The following ERC2 variants were observed in gnomAD, a reference collection of about 807,000 sequenced individuals.
ERC2 encodes the protein ELKS/RAB6-interacting/CAST family member 2.
Under a neutral mutation model 114.8 loss-of-function variants are expected in ERC2, and 42 were observed. The ratio of observed to expected loss-of-function variants is 0.37; its 90% CI spans 0.29 to 0.47. The LOEUF is 0.47. ERC2 is among the 20% of genes least tolerant of loss of function. The pLI, the probability that ERC2 is intolerant of heterozygous loss-of-function variation, is 0.99. For missense variants in ERC2, 939 were observed against 1,150.7 expected, an observed-to-expected ratio of 0.82 and a Z score of 2.66; for synonymous variants, 454 against 425.5, an observed-to-expected ratio of 1.07 and a Z score of -0.82.
intron 17 of ERC2, among the ~76,000 whole-genome samples, chr3:55,625,735 A>G (rs1008778774): frequency 2.0e-5 from 3 of 152,196 alleles, no homozygotes; most frequent in Admixed American, 6.5e-5. Context: ...TGGGCGACAG[A>G]GCGAGACTCC....
chr3:55,914,425 G>A (rs2064983569), intron 13 of ERC2, among the ~76,000 whole-genome samples: 1 of 152,130 alleles, frequency 6.6e-6, no homozygotes, highest in African/African-American at 2.4e-5. Context: ...CACAGGCCAC[G>A]AATCTGCTTA....
chr3:56,088,471 GA>G (rs1399967022), intron 6 of ERC2, among the ~76,000 whole-genome samples: 1 of 152,066 alleles, frequency 6.6e-6, no homozygotes, highest in Non-Finnish European at 1.5e-5. Flanking sequence ...AAAGAAGGGG[GA>G]AAAAATGACA....
At chr3:56,349,672 C>T (rs772810603) in intron 2 of ERC2, among the ~76,000 whole-genome samples, 4 of 152,076 alleles carry the variant, frequency 2.6e-5, no homozygotes, top group South Asian at 2.1e-4. Flanking sequence ...TTTGGGAGGC[C>T]GAGACAGGCA....
intron 6 of ERC2, among the ~76,000 whole-genome samples, chr3:56,094,808 A>C (rs1195072083): frequency 5.3e-5 from 8 of 152,250 alleles, no homozygotes; most frequent in Admixed American, 5.2e-4. Flanking sequence ...AGTTAGATTC[A>C]GTAGGGGAAA....
chr3:55,659,216 A>G (rs768251232), intron 17 of ERC2: 18 of 152,216 alleles, frequency 1.2e-4, no homozygotes, highest in Non-Finnish European at 2.1e-4. Flanking sequence ...TGTCTTATGC[A>G]GCAGAAGGAA....
At chr3:55,797,793 C>T (rs371863441) in intron 14 of ERC2, among the ~76,000 whole-genome samples, 2 of 152,040 alleles carry the variant, frequency 1.3e-5, no homozygotes, top group African/African-American at 4.8e-5. Flanking sequence ...ATTTTAGGTG[C>T]TCTTTCTACA....
intron 15 of ERC2, 21 bp downstream of exon 15, chr3:55,734,750 C>G: frequency 6.3e-7 from 1 of 1,591,616 alleles, no homozygotes; most frequent in Non-Finnish European, 8.6e-7. Context: ...AAAAACACAC[C>G]TGTCTTGCAG....
intron 15 of ERC2, among the ~76,000 whole-genome samples, chr3:55,707,711 G>T (rs1346713035): frequency 6.6e-6 from 1 of 152,184 alleles, no homozygotes; most frequent in African/African-American, 2.4e-5. Flanking sequence ...ACACTGTGTT[G>T]GCATCATCTC....
At chr3:56,082,062 C>CT (rs528191521) in intron 6 of ERC2, among the ~76,000 whole-genome samples, 85 of 151,242 alleles carry the variant, frequency 5.6e-4, no homozygotes, top group African/African-American at 2.0e-3. Flanking sequence ...AAAGCATTTA[C>CT]TTTTTTTATT....
At chr3:55,859,951 AG>A (rs1316017778) in intron 14 of ERC2, among the ~76,000 whole-genome samples, 1 of 152,066 alleles carries the variant, frequency 6.6e-6, no homozygotes, top group African/African-American at 2.4e-5. Context: ...AGAGTAGAAA[AG>A]GTTTTTTATC....
intron 17 of ERC2, among the ~76,000 whole-genome samples, chr3:55,532,967 T>C (rs1018684510): frequency 2.6e-5 from 4 of 152,204 alleles, no homozygotes; most frequent in Non-Finnish European, 5.9e-5. Context: ...AAAAACTGCC[T>C]GAAACCCTTC....
intron 12 of ERC2, among the ~76,000 whole-genome samples, chr3:55,978,006 A>G (rs1244861475): frequency 6.6e-6 from 1 of 152,192 alleles, no homozygotes; most frequent in Non-Finnish European, 1.5e-5. Flanking sequence ...AATACTACGG[A>G]TCTGCTTCTG....
chr3:55,869,783 A>G (rs1335775799), intron 14 of ERC2, among the ~76,000 whole-genome samples: 2 of 152,166 alleles, frequency 1.3e-5, no homozygotes, highest in Non-Finnish European at 2.9e-5. Context: ...GCACCCTCCC[A>G]GAGAAGATGC....
At chr3:55,717,950 T>G (rs2064221101) in intron 15 of ERC2, among the ~76,000 whole-genome samples, 1 of 152,218 alleles carries the variant, frequency 6.6e-6, no homozygotes, top group African/African-American at 2.4e-5. Flanking sequence ...TTTGGCTTTG[T>G]GCTCAGTGCA....
intron 10 of ERC2, among the ~76,000 whole-genome samples, chr3:56,000,840 C>A (rs761239964): frequency 3.3e-5 from 5 of 150,868 alleles, no homozygotes; most frequent in Non-Finnish European, 5.9e-5. Context: ...ATCCCTTGAG[C>A]CCAGGAGTTT....
chr3:56,243,688 A>T (rs1465431954), intron 3 of ERC2, among the ~76,000 whole-genome samples: 1 of 152,214 alleles, frequency 6.6e-6, no homozygotes, highest in Non-Finnish European at 1.5e-5. Flanking sequence ...ATTTCAACAG[A>T]AAATCATTTG....
At chr3:55,967,087 C>T (rs1000599855) in intron 12 of ERC2, among the ~76,000 whole-genome samples, 8 of 152,198 alleles carry the variant, frequency 5.3e-5, no homozygotes, top group Non-Finnish European at 8.8e-5. Flanking sequence ...AGTAAGCTTA[C>T]TCTAACATTC....
At chr3:56,197,679 T>G (rs547110946) in intron 3 of ERC2, among the ~76,000 whole-genome samples, 1 of 152,356 alleles carries the variant, frequency 6.6e-6, no homozygotes, top group African/African-American at 2.4e-5. Context: ...CATTCCATAC[T>G]AATCTATTTC....
At chr3:55,915,888 A>C (rs1320017077) in intron 13 of ERC2, among the ~76,000 whole-genome samples, 4 of 152,218 alleles carry the variant, frequency 2.6e-5, no homozygotes, top group Non-Finnish European at 5.9e-5. Context: ...GATGGCTCCA[A>C]AATTTATTTG....
Sources: allele counts gnomAD v4.1 joint callset (sites outside exome capture counted in the v4.1 genomes callset), GRCh38; gene constraint gnomAD v4.1.1; transcripts MANE v1.5; gene names NCBI Gene and HGNC (gene_info 2026-07-23, HGNC 2026-07-21).